Variants in FBXL13 observed in about 807,000 individuals in gnomAD.
FBXL13 encodes F-box and leucine rich repeat protein 13.
A neutral mutation model predicts 83.6 loss-of-function variants in FBXL13; 67 were observed. The ratio of observed to expected loss-of-function variants is 0.80; its 90% CI spans 0.66 to 0.98. The LOEUF (loss-of-function observed/expected upper bound fraction) is 0.98, where lower values mean the gene tolerates loss of function less well. FBXL13 is among the 50% of genes least tolerant of loss of function. The pLI, the probability that FBXL13 is intolerant of heterozygous loss-of-function variation, is 0.00. For synonymous variants in FBXL13, 272 were observed against 299.5 expected (o/e 0.91, Z 0.95); for missense variants, 822 against 866.5 (o/e 0.95, Z 0.64).
At chr7:102,901,968 T>G (rs1418441762) in intron 11 of FBXL13, among the ~76,000 whole-genome samples, 1 of 152,192 alleles carries the variant, frequency 6.6e-6, no homozygotes, top group Non-Finnish European at 1.5e-5. Context: ...AATTGCTGTA[T>G]CATATGATAG....
intron 6 of FBXL13, among the ~76,000 whole-genome samples, chr7:102,972,519 AAG>A (rs918468961): frequency 3.3e-5 from 5 of 152,114 alleles, no homozygotes; most frequent in African/African-American, 4.8e-5. Flanking sequence ...AAGTAGAAAA[AAG>A]GGGGTAGATT....
intron 11 of FBXL13, among the ~76,000 whole-genome samples, chr7:102,903,939 C>CTTTTTTATTTTTTTTTTTTTTTT (rs1813320740): frequency 2.3e-5 from 1 of 43,470 alleles, no homozygotes; most frequent in Non-Finnish European, 4.2e-5. Flanking sequence ...CTTTTCTTTT[C>CTTTTTTATTTTTTTTTTTTTTTT]TTTTTTTTTT....
At chr7:103,004,501 C>T (rs1790766342) in intron 6 of FBXL13, among the ~76,000 whole-genome samples, 1 of 152,172 alleles carries the variant, frequency 6.6e-6, no homozygotes, top group African/African-American at 2.4e-5. Flanking sequence ...AGAAGAATTT[C>T]AAGGGCTGGG....
intron 11 of FBXL13, among the ~76,000 whole-genome samples, chr7:102,890,721 A>G (rs1331618336): frequency 1.3e-5 from 2 of 152,244 alleles, no homozygotes; most frequent in African/African-American, 2.4e-5. Flanking sequence ...TGATAACATC[A>G]TATGAAGCTT....
intron 16 of FBXL13, among the ~76,000 whole-genome samples, chr7:102,876,896 T>G (rs1037824331): frequency 2.0e-5 from 3 of 152,236 alleles, no homozygotes; most frequent in Non-Finnish European, 4.4e-5. Context: ...CCCATAGTTC[T>G]TTCAGAAACA....
chr7:102,860,073 C>T (rs550596182), intron 16 of FBXL13, among the ~76,000 whole-genome samples: 17 of 152,176 alleles, frequency 1.1e-4, no homozygotes. Context: ...CATATCAGGA[C>T]ATAAGGCTCA....
chr7:102,881,835 T>C (rs1049984763), intron 14 of FBXL13, among the ~76,000 whole-genome samples: 2 of 152,186 alleles, frequency 1.3e-5, no homozygotes, highest in Non-Finnish European at 2.9e-5. Context: ...GAGGCTTTAA[T>C]TCTTCACTGG....
rs553852758 is a variant in FBXL13 at position 103,033,615 on chromosome 7, G to A, written c.1-4197C>T. ...TAAGGCAGCGCGTCTGGAGTTGTTC[G>A]TTCCTCCTGGTGGGTTTGTGGTCTT... On this transcript the variant is annotated intron_variant, in intron 2 of 19. Transcript: ENST00000313221. Among the ~76,000 whole-genome samples the A allele has an allele frequency of 3.4e-4, 51 of 152,182 alleles. 1 individual carries two copies. In the South Asian group the frequency reaches 8.1e-3, roughly 24 times the overall value.
At chr7:103,041,499 G>A (rs1795692575) in intron 2 of FBXL13, among the ~76,000 whole-genome samples, 1 of 152,116 alleles carries the variant, frequency 6.6e-6, no homozygotes, top group African/African-American at 2.4e-5. Context: ...TGATACAAAA[G>A]CCTGATAGAG....
At chr7:102,864,514 G>A (rs186041687) in intron 16 of FBXL13, among the ~76,000 whole-genome samples, 32 of 152,016 alleles carry the variant, frequency 2.1e-4, no homozygotes, top group Admixed American at 1.6e-3. Context: ...GATTACAGGC[G>A]CCCGCCACCA....
intron 6 of FBXL13, among the ~76,000 whole-genome samples, chr7:102,987,536 GT>G (rs1198307352): frequency 6.6e-6 from 1 of 152,166 alleles, no homozygotes; most frequent in Non-Finnish European, 1.5e-5. Flanking sequence ...AGTTCTTAGG[GT>G]AGTGTGGATG....
intron 11 of FBXL13, among the ~76,000 whole-genome samples, chr7:102,898,556 G>T (rs1812564134): frequency 6.6e-6 from 1 of 152,148 alleles, no homozygotes; most frequent in Non-Finnish European, 1.5e-5. Context: ...CTCCCGAAGT[G>T]TGGGGATTAC....
chr7:102,958,769 T>A (rs1461420144), intron 8 of FBXL13, among the ~76,000 whole-genome samples: 1 of 151,962 alleles, frequency 6.6e-6, no homozygotes, highest in Non-Finnish European at 1.5e-5. Context: ...AAAGCAAGAA[T>A]GGCCTTGGTG....
intron 1 of FBXL13, among the ~76,000 whole-genome samples, chr7:103,066,697 A>G (rs1214199948): frequency 3.3e-5 from 5 of 152,096 alleles, no homozygotes; most frequent in Non-Finnish European, 7.4e-5. Context: ...CCAGCCTATG[A>G]ATGTAATTTT....
At position 102,854,761 on chromosome 7, in the gene FBXL13, A is replaced by G; in HGVS notation, c.1719+16T>C. On this transcript the variant is annotated intron_variant, in intron 17 of 19. Transcript: ENST00000313221. The stretch of plus-strand genomic sequence containing the variant: ...TTCAATCTTAATTCTTTAACAGATG[A>G]TCTTAATGATCTTACCTGAATTCCA... 6.9e-7 allele frequency: 1 copy of G among 1,439,530 alleles called. No individual in the cohort carries two copies. The highest frequency in any genetic ancestry group is 1.3e-5 in the South Asian group (1 of 74,708). 89.2% of individuals were successfully genotyped at this position (1,439,530 alleles called of 1,614,324 possible).
At chr7:103,011,472 T>C (rs534382824) in intron 6 of FBXL13, among the ~76,000 whole-genome samples, 1 of 151,592 alleles carries the variant, frequency 6.6e-6, no homozygotes, top group Admixed American at 6.6e-5. Flanking sequence ...CCATCTCTAC[T>C]AAAAAATACA....
chr7:102,949,859 A>T (rs1305116335), intron 8 of FBXL13, among the ~76,000 whole-genome samples: 1 of 152,158 alleles, frequency 6.6e-6, no homozygotes, highest in Non-Finnish European at 1.5e-5. Context: ...TAATCCCAAC[A>T]CTTCAGGAGG....
chr7:102,846,300 C>T (rs1334259555), intron 17 of FBXL13, among the ~76,000 whole-genome samples: 1 of 152,146 alleles, frequency 6.6e-6, no homozygotes, highest in Non-Finnish European at 1.5e-5. Flanking sequence ...AATCACTGAG[C>T]AAGATGGTCA....
At position 102,995,465 on chromosome 7, in the gene FBXL13, C is replaced by T. The variant is rs185919713; in HGVS notation, c.496-27348G>A. ...CACTGCACTCCAGCCTGGATGACAG[C>T]GAGACTCCATCTCAAAAAAAAAAAA... is the stretch of plus-strand genomic sequence containing the variant. On this transcript the variant is annotated intron_variant, in intron 6 of 19. Coordinates refer to ENST00000313221, the Ensembl canonical transcript of FBXL13. Among the ~76,000 whole-genome samples, 505 of 90,586 alleles carry T rather than the reference C, an allele frequency of 5.6e-3. 2 individuals are homozygous for T. The highest frequency in any genetic ancestry group is 0.022 in the African/African-American group (459 of 21,326). 59.4% of individuals were successfully genotyped at this position (90,586 alleles called of 152,430 possible).
Sources: allele counts gnomAD v4.1 joint callset (sites outside exome capture counted in the v4.1 genomes callset), GRCh38; gene constraint gnomAD v4.1.1; transcripts MANE v1.5; gene names NCBI Gene and HGNC (gene_info 2026-07-23, HGNC 2026-07-21).